DNM1L: variants seen among roughly 807,000 people sequenced by gnomAD.
DNM1L encodes the protein dynamin 1L.
DNM1L carries 33 observed loss-of-function variants against 92.8 expected under a neutral mutation model. The observed-to-expected ratio is 0.36, with a 90% CI of 0.27 to 0.48. The LOEUF is 0.48. Ranked by LOEUF, DNM1L falls within the 20% of genes least tolerant of loss-of-function variation. DNM1L has a pLI of 0.99. For missense variants in DNM1L, 485 were observed against 888.8 expected, an observed-to-expected ratio of 0.55 and a Z score of 5.78; for synonymous variants, 284 against 305.0, an observed-to-expected ratio of 0.93 and a Z score of 0.72.
Position 32,701,616 on chromosome 12 carries a change from C to A in DNM1L, c.250+54C>A, listed in dbSNP as rs542672443. 1.3e-5 allele frequency: 19 copies of A among 1,492,626 alleles called. 1 individual carries two copies. The South Asian group carries it at 2.0e-4, about 16-fold the overall frequency. 92.5% of individuals were successfully genotyped at this position (1,492,626 alleles called of 1,614,324 possible). A position where few individuals can be genotyped will look rare whatever the true frequency, so the allele number is the denominator to read the frequency against. Reference sequence around the variant, plus strand: ...TACAGCTCTTCATTTTTGATCTATTCTTAAAAAGATATGAATTGATTAGAT... The same window carrying A: ...TACAGCTCTTCATTTTTGATCTATTATTAAAAAGATATGAATTGATTAGAT... On this transcript the variant is annotated intron_variant, in intron 2 of 19. Coordinates refer to ENST00000549701, the MANE Select transcript of DNM1L (RefSeq NM_012062.5).
chr12:32,702,880 A>G (rs558919051), intron 2 of DNM1L, among the ~76,000 whole-genome samples: 25 of 152,290 alleles, frequency 1.6e-4, no homozygotes, highest in African/African-American at 4.8e-4. Context: ...CATTTCTCTA[A>G]TACTTATTGA....
intron 9 of DNM1L, among the ~76,000 whole-genome samples, chr12:32,730,803 A>G (rs978991307): frequency 2.0e-5 from 3 of 152,220 alleles, no homozygotes; most frequent in African/African-American, 7.2e-5. Flanking sequence ...CATATATATA[A>G]TTTAATGATT....
intron 9 of DNM1L, among the ~76,000 whole-genome samples, chr12:32,723,723 C>T (rs1443266176): frequency 1.3e-5 from 2 of 149,330 alleles, no homozygotes; most frequent in Non-Finnish European, 3.0e-5. Flanking sequence ...AACAGGGATT[C>T]TATCTTTAAA....
Position 32,731,274 on chromosome 12 carries a change from G to A in DNM1L, c.1201-82G>A. The A allele has an allele frequency of 6.3e-7, 1 of 1,581,398 alleles. No homozygotes were observed. The highest frequency in any genetic ancestry group is 2.2e-5 in the East Asian group (1 of 44,574). ...AATTAAAAAGCATTTTTCATGAAAAGTACCAAAAATGTGACTTTCTTAACC... is the reference window on the plus strand; with the variant it reads ...AATTAAAAAGCATTTTTCATGAAAAATACCAAAAATGTGACTTTCTTAACC... On this transcript the variant is annotated intron_variant, in intron 10 of 19. Transcript: ENST00000549701. The surrounding 1 kb of genome is among the most constrained non-coding windows in gnomAD (Gnocchi z 5.1).
At chr12:32,715,683 G>A (rs1262617059) in intron 6 of DNM1L, among the ~76,000 whole-genome samples, 2 of 152,136 alleles carry the variant, frequency 1.3e-5, no homozygotes, top group African/African-American at 4.8e-5. Context: ...AATGAGCCGA[G>A]ATTGTGCCAC....
At chr12:32,733,151 A>C (rs966157123) in intron 12 of DNM1L, among the ~76,000 whole-genome samples, 3 of 152,194 alleles carry the variant, frequency 2.0e-5, no homozygotes, top group African/African-American at 7.2e-5. Flanking sequence ...GGGCTGGATA[A>C]ATTAATTTTA....
intron 16 of DNM1L, 178 bp from the exon 17 acceptor site, chr12:32,739,886 A>G (rs1221972645): frequency 2.9e-6 from 2 of 698,780 alleles, no homozygotes; most frequent in African/African-American, 1.8e-5. Flanking sequence ...TATTATTTAG[A>G]TAGGTCAGGG....
rs191391030 is a variant in DNM1L at position 32,735,608 on chromosome 12, C to G, written c.1540-1497C>G. Among the ~76,000 whole-genome samples the G allele has an allele frequency of 6.6e-5, 10 of 152,166 alleles. No individual in the cohort carries two copies. The South Asian group carries it at 1.2e-3, about 19-fold the overall frequency. On this transcript the variant is annotated intron_variant, in intron 13 of 19. Coordinates refer to ENST00000549701, the MANE Select transcript of DNM1L (RefSeq NM_012062.5). Reference sequence around the variant, plus strand: ...ATGAAACATCACTGTGGGCTGTGTGCGGTGGCTCATGCCTGTAATCCCAGC... The same window carrying G: ...ATGAAACATCACTGTGGGCTGTGTGGGGTGGCTCATGCCTGTAATCCCAGC...
rs1227619435 is a variant in DNM1L, at chr12:32,722,672, T to TTA, written c.1079+40_1079+41insAT. ...TTTTCTGTAGATTTGGTTACCTAGA[T>TTA]TGCTAGGTCACTTTTCCTTTTGTGA... On this transcript the variant is annotated intron_variant, in intron 9 of 19. Coordinates refer to ENST00000549701, the MANE Select transcript of DNM1L (RefSeq NM_012062.5). 2.0e-6 allele frequency: 3 copies of TTA among 1,483,428 alleles called. No individual in the cohort carries two copies. The South Asian group carries it at 3.4e-5, about 17-fold the overall frequency. 91.9% of individuals were successfully genotyped at this position (1,483,428 alleles called of 1,614,324 possible).
At chr12:32,725,908 C>T (rs1045986963) in intron 9 of DNM1L, among the ~76,000 whole-genome samples, 2 of 145,094 alleles carry the variant, frequency 1.4e-5, no homozygotes, top group African/African-American at 2.6e-5. Context: ...ACTGGCATGC[C>T]GGTTTTTTTT....
At chr12:32,686,937 C>CTTTTTTTTTTTT (rs71447614) in intron 1 of DNM1L, among the ~76,000 whole-genome samples, 12 of 95,620 alleles carry the variant, frequency 1.3e-4, no homozygotes, top group African/African-American at 4.7e-4. Context: ...TCTTTTTTTT[C>CTTTTTTTTTTTT]TTTTTTTTTT....
chr12:32,708,010 C>T (rs373970762), intron 3 of DNM1L, 143 bp from the exon 4 acceptor site: 21 of 554,518 alleles, frequency 3.8e-5, no homozygotes, highest in Admixed American at 3.1e-4. Flanking sequence ...ATCCTTAGCT[C>T]AGAAAATATG....
intron 2 of DNM1L, chr12:32,705,961 T>C (rs944109410): frequency 4.3e-6 from 5 of 1,172,982 alleles, no homozygotes; most frequent in Non-Finnish European, 5.8e-6. Flanking sequence ...TTTTCTTCCA[T>C]TTTTATTTGC....
chr12:32,706,132 A>C (rs535645093), intron 2 of DNM1L: 150 of 348,526 alleles, frequency 4.3e-4, no homozygotes, highest in African/African-American at 3.0e-3. Flanking sequence ...ATAAATTAGA[A>C]ACAGCTCTTT....
chr12:32,710,568 A>T (rs1404493877), intron 4 of DNM1L, among the ~76,000 whole-genome samples: 1 of 151,600 alleles, frequency 6.6e-6, no homozygotes, highest in Non-Finnish European at 1.5e-5. Context: ...GCAGTGAGCC[A>T]TGATTGCACC....
At position 32,717,896 on chromosome 12, in the gene DNM1L, A is replaced by ATAG. The variant is rs1565518820; in HGVS notation, c.620-745_620-744insGTA. On this transcript the variant is annotated intron_variant, in intron 6 of 19. Transcript: ENST00000549701. Reference sequence around the variant, plus strand: ...TATACTATATATATTTATATATACTATATATAGTATATATATAAAATATAG... The same window carrying ATAG: ...TATACTATATATATTTATATATACTATAGTATATAGTATATATATAAAATATAG... 3.7e-3 allele frequency among the ~76,000 whole-genome samples: 371 copies of ATAG among 100,666 alleles called. 10 individuals are homozygous for ATAG. Among genetic ancestry groups the ATAG allele is most frequent in the African/African-American group, 0.015 (346 of 23,142 alleles). The allele number at this position is 100,666 out of a possible 152,430, so 66.0% of individuals were successfully genotyped here. A position where few individuals can be genotyped will look rare whatever the true frequency, so the allele number is the denominator to read the frequency against.
rs780262980 is a variant in DNM1L, at chr12:32,701,608, G to T, written c.250+46G>T. On this transcript the variant is annotated intron_variant, in intron 2 of 19. Coordinates refer to ENST00000549701, the MANE Select transcript of DNM1L (RefSeq NM_012062.5). ...AATTATTTTACAGCTCTTCATTTTT[G>T]ATCTATTCTTAAAAAGATATGAATT... 144 of 1,524,958 alleles carry T rather than the reference G, an allele frequency of 9.4e-5. 1 individual carries two copies. In the Admixed American group the frequency reaches 2.3e-3, roughly 24 times the overall value. The allele number at this position is 1,524,958 out of a possible 1,614,324, so 94.5% of individuals were successfully genotyped here. A position where few individuals can be genotyped will look rare whatever the true frequency, so the allele number is the denominator to read the frequency against.
intron 13 of DNM1L, among the ~76,000 whole-genome samples, chr12:32,734,610 C>T (rs796700593): frequency 2.0e-5 from 3 of 152,248 alleles, no homozygotes; most frequent in African/African-American, 7.2e-5. Flanking sequence ...AGTTTGAGAC[C>T]AGCCTGGCCA....
chr12:32,737,214 G>A (rs909071794), intron 14 of DNM1L, 53 bp downstream of exon 14: 1 of 1,581,804 alleles, frequency 6.3e-7, no homozygotes, highest in African/African-American at 1.3e-5. Context: ...AGATTGATGA[G>A]CTCAGAATAT....
Sources: gnomAD v4.1 joint callset for allele counts (sites outside exome capture counted in the v4.1 genomes callset) on GRCh38, gnomAD v4.1.1 for gene constraint, Gnocchi (gnomAD v3.1) non-coding constraint, MANE v1.5 for transcripts, NCBI Gene and HGNC (gene_info 2026-07-23, HGNC 2026-07-21) for gene names.